Variants in LIMD1 observed in about 807,000 individuals in gnomAD.
LIMD1 encodes the protein LIM domain-containing protein 1.
A neutral mutation model predicts 58.4 loss-of-function variants in LIMD1; 23 were observed. That is an observed-to-expected ratio of 0.39 (90% CI 0.28 to 0.56). The LOEUF (loss-of-function observed/expected upper bound fraction) is 0.56. LIMD1 is among the 20% of genes least tolerant of loss of function. The probability of loss-of-function intolerance (pLI) is 0.57; values close to 1 mark genes in which losing one functional copy is unlikely to be tolerated. For synonymous variants in LIMD1, 334 were observed against 345.5 expected (o/e 0.97, Z 0.37); for missense variants, 838 against 855.5 (o/e 0.98, Z 0.25).
At chr3:45,673,818 A>G (rs1167028503) in intron 6 of LIMD1, 2 of 364,328 alleles carry the variant, frequency 5.5e-6, no homozygotes, top group Non-Finnish European at 1.0e-5. Context: ...TGAGCCCAAG[A>G]GTTTGAGGCT....
At chr3:45,610,089 G>A (rs1701509251) in intron 1 of LIMD1, among the ~76,000 whole-genome samples, 1 of 152,208 alleles carries the variant, frequency 6.6e-6, no homozygotes, top group Admixed American at 6.5e-5. Context: ...CTACTCGGGA[G>A]GCTGAGGCAG....
chr3:45,653,338 T>TG (rs1175490987), intron 2 of LIMD1, among the ~76,000 whole-genome samples: 1 of 152,182 alleles, frequency 6.6e-6, no homozygotes, highest in African/African-American at 2.4e-5. Context: ...TCACACCAGA[T>TG]GCCTGGTATG....
At chr3:45,642,561 G>T (rs4683133) in intron 2 of LIMD1, among the ~76,000 whole-genome samples, 152,374 of 152,374 alleles carry the variant, frequency 1, 76,187 homozygotes, top group Non-Finnish European at 1. Flanking sequence ...TCCCTGCCAG[G>T]TTTTCCCCAA....
At chr3:45,617,799 G>A (rs1434939201) in intron 1 of LIMD1, among the ~76,000 whole-genome samples, 3 of 152,256 alleles carry the variant, frequency 2.0e-5, no homozygotes, top group East Asian at 3.9e-4. Flanking sequence ...GCTGGGGAGC[G>A]GGAGGACGGG....
intron 1 of LIMD1, among the ~76,000 whole-genome samples, chr3:45,612,024 A>G (rs1490756961): frequency 6.6e-6 from 1 of 151,786 alleles, no homozygotes; most frequent in Non-Finnish European, 1.5e-5. Context: ...GTGTTGAGGA[A>G]GCTAGCATGG....
Position 45,676,966 on chromosome 3 carries a change from T to C in LIMD1, c.1938T>C (p.Tyr646=). The change falls in exon 8 of 8, where the codon TAT becomes TAC. Residue 646 remains tyrosine, a synonymous_variant. Coordinates refer to ENST00000273317, the MANE Select transcript of LIMD1 (RefSeq NM_014240.3). ...ATGATGAAGATGGCCACCGCTGTTA[T>C]CCGCTGGAGGACCACCTGTTCTGTC... ...ELNDEDGHRC[Y]PLEDHLFCHS... 6.2e-7 allele frequency: 1 copy of C among 1,614,154 alleles called. No homozygotes were observed. Among genetic ancestry groups the C allele is most frequent in the African/African-American group, 1.3e-5 (1 of 75,052 alleles).
rs183602775 is a variant in LIMD1 at position 45,599,628 on chromosome 3, C to T, written c.1408+3341C>T. 7.2e-5 allele frequency among the ~76,000 whole-genome samples: 11 copies of T among 152,302 alleles called. No individual in the cohort carries two copies. In the East Asian group the frequency reaches 1.9e-3, roughly 27 times the overall value. On this transcript the variant is annotated intron_variant, in intron 1 of 7. Coordinates refer to ENST00000273317, the MANE Select transcript of LIMD1 (RefSeq NM_014240.3). ...ATCAGCATGTGTTCAGCTGGCTATA[C>T]GTGGCTGCTGTGCAATGTGCCTAGG...
At chr3:45,668,530 C>G (rs536565594) in intron 4 of LIMD1, among the ~76,000 whole-genome samples, 174 bp downstream of exon 4, 2 of 152,154 alleles carry the variant, frequency 1.3e-5, no homozygotes, top group African/African-American at 4.8e-5. Flanking sequence ...GCGGGCGGAT[C>G]ACGAGGTCAG....
At chr3:45,673,315 A>G in intron 5 of LIMD1, 139 bp from the exon 6 acceptor site, 1 of 702,748 alleles carries the variant, frequency 1.4e-6, no homozygotes, top group Non-Finnish European at 2.6e-6. Context: ...TGAGCCAGGT[A>G]CCAGTCATTC....
chr3:45,673,317 C>G (rs1697619155), intron 5 of LIMD1, 137 bp from the exon 6 acceptor site: 1 of 707,480 alleles, frequency 1.4e-6, no homozygotes, highest in African/African-American at 1.8e-5. Context: ...AGCCAGGTAC[C>G]AGTCATTCTA....
At position 45,677,211 on chromosome 3, in the gene LIMD1, C is replaced by T; in HGVS notation, c.*152C>T. On this transcript the variant is annotated 3_prime_UTR_variant, in exon 8 of 8. Transcript: ENST00000273317. The stretch of plus-strand genomic sequence containing the variant: ...CATGTGGGGGGTGCCTTTCCTTTAA[C>T]CAGGGAGGTGAACACTACCTGCCTC... 1 of 780,928 alleles carries T rather than the reference C, an allele frequency of 1.3e-6. No individual in the cohort carries two copies. The highest frequency in any genetic ancestry group is 2.0e-6 in the Non-Finnish European group (1 of 494,558). The allele number at this position is 780,928 out of a possible 1,614,324, so 48.4% of individuals were successfully genotyped here.
chr3:45,620,230 G>A (rs1049619471), intron 1 of LIMD1, among the ~76,000 whole-genome samples: 5 of 152,154 alleles, frequency 3.3e-5, no homozygotes, highest in African/African-American at 1.2e-4. Flanking sequence ...TCACAAGGAA[G>A]GGTGATGTTA....
chr3:45,605,186 G>A (rs1360045351), intron 1 of LIMD1, among the ~76,000 whole-genome samples: 2 of 152,256 alleles, frequency 1.3e-5, no homozygotes, highest in Admixed American at 6.5e-5. Flanking sequence ...TGTGACAGTG[G>A]CATTAGGTAT....
At chr3:45,651,786 C>G (rs578228617) in intron 2 of LIMD1, among the ~76,000 whole-genome samples, 10 of 140,770 alleles carry the variant, frequency 7.1e-5, no homozygotes, top group Middle Eastern at 3.5e-3. Flanking sequence ...GCATGCACCA[C>G]ATGCCTGGCT....
At chr3:45,626,343 A>T (rs973081784) in intron 1 of LIMD1, among the ~76,000 whole-genome samples, 1 of 152,216 alleles carries the variant, frequency 6.6e-6, no homozygotes, top group African/African-American at 2.4e-5. Flanking sequence ...GATGTCCTTC[A>T]GTAGATGACT....
intron 2 of LIMD1, among the ~76,000 whole-genome samples, chr3:45,640,357 G>C (rs1701828340): frequency 6.6e-6 from 1 of 152,166 alleles, no homozygotes; most frequent in African/African-American, 2.4e-5. Flanking sequence ...AGCCTTCCCT[G>C]TTTCCTTAGC....
At chr3:45,668,936 C>G (rs1187142186) in intron 4 of LIMD1, among the ~76,000 whole-genome samples, 1 of 152,192 alleles carries the variant, frequency 6.6e-6, no homozygotes, top group Non-Finnish European at 1.5e-5. Flanking sequence ...TCTCTGTGAT[C>G]CTTGTGGCAT....
chr3:45,597,028 A>AT (rs35567590), intron 1 of LIMD1, among the ~76,000 whole-genome samples: 87,282 of 147,814 alleles, frequency 0.59, 26,657 homozygotes, highest in East Asian at 0.93. Context: ...CACCTGGCTA[A>AT]TTTTTTTTTT....
intron 2 of LIMD1, among the ~76,000 whole-genome samples, chr3:45,643,783 A>G (rs1701873286): frequency 6.6e-6 from 1 of 152,240 alleles, no homozygotes; most frequent in African/African-American, 2.4e-5. Flanking sequence ...CGCCTAGTGC[A>G]GGTCCGAGCT....
Sources: allele counts gnomAD v4.1 joint callset (sites outside exome capture counted in the v4.1 genomes callset), GRCh38; gene constraint gnomAD v4.1.1; transcripts MANE v1.5; gene names NCBI Gene and HGNC (gene_info 2026-07-23, HGNC 2026-07-21).